Variants in SLC25A26 observed in about 807,000 individuals in gnomAD.
SLC25A26 encodes solute carrier family 25 member 26, also known as mitochondrial S-adenosylmethionine carrier protein.
SLC25A26 carries 36 observed loss-of-function variants against 37.8 expected under a neutral mutation model. The ratio of observed to expected loss-of-function variants is 0.95; its 90% CI spans 0.73 to 1.26. The LOEUF is 1.26. SLC25A26 is among the 50% of genes most tolerant of loss of function. The pLI is 0.00. For missense variants in SLC25A26, 390 were observed against 331.1 expected (o/e 1.18, Z -1.38); for synonymous variants, 129 against 122.5 (o/e 1.05, Z -0.35).
chr3:66,236,818 T>C (rs2072314508), intron 2 of SLC25A26, 118 bp downstream of exon 2: 1 of 713,170 alleles, frequency 1.4e-6, no homozygotes, highest in African/African-American at 1.8e-5. Flanking sequence ...TGAATTTCCT[T>C]CTTTAACCTG....
intron 5 of SLC25A26, among the ~76,000 whole-genome samples, chr3:66,294,334 A>T (rs866182291): frequency 1.3e-5 from 2 of 152,066 alleles, no homozygotes; most frequent in Non-Finnish European, 2.9e-5. Context: ...TTGCCGGTGT[A>T]TAGGAATGCT....
intron 8 of SLC25A26, among the ~76,000 whole-genome samples, chr3:66,370,008 G>A (rs1288012826): frequency 6.6e-6 from 1 of 152,138 alleles, no homozygotes; most frequent in Non-Finnish European, 1.5e-5. Flanking sequence ...AATGCCATAC[G>A]TATAACATAC....
chr3:66,144,250 A>G (rs1277660602), intron 1 of SLC25A26, among the ~76,000 whole-genome samples: 3 of 152,164 alleles, frequency 2.0e-5, no homozygotes, highest in South Asian at 2.1e-4. Flanking sequence ...AAGTTCAGGA[A>G]CCAAAACAAT....
intron 5 of SLC25A26, among the ~76,000 whole-genome samples, chr3:66,333,651 G>T (rs547571710): frequency 6.6e-6 from 1 of 152,118 alleles, no homozygotes; most frequent in South Asian, 2.1e-4. Context: ...CAGCTTATTA[G>T]GACCCAGGTC....
chr3:66,146,739 C>T (rs1005414213), intron 1 of SLC25A26, among the ~76,000 whole-genome samples: 8 of 151,976 alleles, frequency 5.3e-5, no homozygotes, highest in Non-Finnish European at 7.4e-5. Flanking sequence ...GTTACATGGA[C>T]GAATTTTGTA....
At chr3:66,180,810 G>T (rs1179933023) in intron 1 of SLC25A26, among the ~76,000 whole-genome samples, 1 of 152,194 alleles carries the variant, frequency 6.6e-6, no homozygotes, top group South Asian at 2.1e-4. Context: ...GTCCCCCTCA[G>T]ATTCATGTGT....
intron 5 of SLC25A26, among the ~76,000 whole-genome samples, chr3:66,344,127 C>T (rs1559720687): frequency 6.6e-6 from 1 of 152,130 alleles, no homozygotes; most frequent in Non-Finnish European, 1.5e-5. Context: ...CACTGTCTGT[C>T]AAACTTGGGG....
intron 5 of SLC25A26, among the ~76,000 whole-genome samples, chr3:66,311,052 G>A (rs1436492107): frequency 6.6e-6 from 1 of 152,142 alleles, no homozygotes; most frequent in East Asian, 1.9e-4. Flanking sequence ...TGCTAGGTTG[G>A]AGAAGTTCTC....
At chr3:66,339,887 G>C (rs2076169986) in intron 5 of SLC25A26, among the ~76,000 whole-genome samples, 1 of 151,714 alleles carries the variant, frequency 6.6e-6, no homozygotes, top group Admixed American at 6.6e-5. Context: ...ATTTCTTTTT[G>C]CTTTTGTTGC....
intron 3 of SLC25A26, among the ~76,000 whole-genome samples, chr3:66,252,778 G>T (rs1398809241): frequency 1.3e-5 from 2 of 152,170 alleles, no homozygotes; most frequent in Non-Finnish European, 2.9e-5. Context: ...TTAGTGATGT[G>T]CTCCAAGTTT....
exon 1 of SLC25A26, chr3:66,133,897 G>A (rs1445505951): frequency 1.3e-5 from 2 of 152,126 alleles, no homozygotes. Context: ...CTAGAACTTA[G>A]CTACCCTCGT....
chr3:66,240,066 G>A (rs924855405), intron 2 of SLC25A26, among the ~76,000 whole-genome samples: 3 of 151,928 alleles, frequency 2.0e-5, no homozygotes, highest in Non-Finnish European at 2.9e-5. Context: ...CACTAACCAC[G>A]ACAAAAAATA....
chr3:66,217,552 CTTT>C (rs1305200365), upstream of SLC25A26, among the ~76,000 whole-genome samples: 1 of 146,216 alleles, frequency 6.8e-6, no homozygotes, highest in Non-Finnish European at 1.5e-5. Context: ...TTTACATATA[CTTT>C]TTTTTTTTTT....
chr3:66,318,061 G>A lies in SLC25A26; in HGVS notation c.454-28303G>A, dbSNP rs2075588793. Among the ~76,000 whole-genome samples, 3 of 152,168 alleles carry A rather than the reference G, an allele frequency of 2.0e-5. No homozygotes were observed. In the South Asian group the frequency reaches 6.2e-4, roughly 32 times the overall value. On this transcript the variant is annotated intron_variant, in intron 5 of 9. Transcript: ENST00000354883. ...TAGGCAGTCTCAAGTCTGATGTGCT[G>A]GCTGGTGGGGATTCCAAGCCAGTGG...
upstream of SLC25A26, chr3:66,220,861 A>T (rs2071451579): frequency 1.7e-6 from 1 of 575,908 alleles, no homozygotes; most frequent in East Asian, 3.2e-5. Flanking sequence ...AAACCGAGGT[A>T]AGGGATTTGC....
chr3:66,247,786 C>G (rs894073364), intron 3 of SLC25A26, among the ~76,000 whole-genome samples: 3 of 152,100 alleles, frequency 2.0e-5, no homozygotes, highest in Admixed American at 1.3e-4. Flanking sequence ...CATATTACGC[C>G]TTTCTTTTTT....
At chr3:66,254,217 G>A (rs2073212528) in intron 3 of SLC25A26, among the ~76,000 whole-genome samples, 1 of 152,196 alleles carries the variant, frequency 6.6e-6, no homozygotes, top group Admixed American at 6.5e-5. Flanking sequence ...TTTATCAACA[G>A]AAGATGGCAG....
chr3:66,203,769 C>A (rs1190993267), intron 1 of SLC25A26, among the ~76,000 whole-genome samples: 2 of 152,200 alleles, frequency 1.3e-5, no homozygotes, highest in Non-Finnish European at 2.9e-5. Context: ...AACAATTCTA[C>A]AATGAATTGA....
intron 1 of SLC25A26, among the ~76,000 whole-genome samples, chr3:66,205,953 T>A (rs1003340597): frequency 1.3e-5 from 2 of 151,988 alleles, no homozygotes; most frequent in Admixed American, 1.3e-4. Context: ...AGGGAAAAAA[T>A]TGATAAAGTA....
Sources: gnomAD v4.1 joint callset for allele counts (sites outside exome capture counted in the v4.1 genomes callset) on GRCh38, gnomAD v4.1.1 for gene constraint, MANE v1.5 for transcripts, NCBI Gene and HGNC (gene_info 2026-07-23, HGNC 2026-07-21) for gene names.